WDR86: variants seen among roughly 807,000 people sequenced by gnomAD.
WDR86 encodes the protein WD repeat-containing protein 86.
A neutral mutation model predicts 36.5 loss-of-function variants in WDR86; 30 were observed. The observed-to-expected ratio is 0.82, with a 90% CI of 0.61 to 1.11. The LOEUF (loss-of-function observed/expected upper bound fraction) is 1.11. WDR86 is among the 50% of genes most tolerant of loss of function. The pLI, the probability that WDR86 is intolerant of heterozygous loss-of-function variation, is 0.00. For missense variants in WDR86, 545 were observed against 561.2 expected (o/e 0.97, Z 0.29); for synonymous variants, 255 against 252.9 (o/e 1.01, Z -0.08).
chr7:151,393,515 C>T (rs1799589564), intron 3 of WDR86, among the ~76,000 whole-genome samples: 1 of 152,180 alleles, frequency 6.6e-6, no homozygotes, highest in Admixed American at 6.5e-5. Context: ...CCCCCTCCGT[C>T]CAGCACCAGC....
rs538512843 is a variant in WDR86 at position 151,395,973 on chromosome 7, C to A, written c.529G>T (p.Val177Leu). Residue 177 changes from valine to leucine, a missense_variant, in exon 3 of 6, where the codon GTG (valine) becomes TTG (leucine). Transcript: ENST00000334493. ...VTGSTDGTAKVWQVASGCCHQ... is the reference protein window; with the variant it reads ...VTGSTDGTAKLWQVASGCCHQ... ...CAGCAGCCGCTGGCCACCTGCCACA[C>A]CTTGGCTGTGCCATCTGTGCTGCCG... The A allele has an allele frequency of 7.7e-5, 123 of 1,596,790 alleles. No individual in the cohort carries two copies. The East Asian group carries it at 2.6e-3, about 34-fold the overall frequency.
downstream of WDR86, among the ~76,000 whole-genome samples, chr7:151,379,919 C>T (rs1054032450): frequency 1.3e-5 from 2 of 152,174 alleles, no homozygotes; most frequent in Non-Finnish European, 2.9e-5. Context: ...CAGCACTGCC[C>T]GCAGGCAGCA....
the WDR86 span, among the ~76,000 whole-genome samples, chr7:151,369,814 C>T: frequency 6.6e-6 from 1 of 152,194 alleles, no homozygotes. Flanking sequence ...TATGTTACCT[C>T]GTTTCCCTTT....
chr7:151,376,660 C>T (rs370586827), downstream of WDR86: 460 of 1,611,390 alleles, frequency 2.9e-4, 1 homozygote, highest in South Asian at 2.4e-4. Flanking sequence ...TTGATGCACT[C>T]GTGGCCGAAG....
chr7:151,395,420 G>C (rs1799739176), intron 3 of WDR86, among the ~76,000 whole-genome samples: 1 of 152,032 alleles, frequency 6.6e-6, no homozygotes. Context: ...CTTTAAAAGA[G>C]GCAGTTGAGT....
At chr7:151,373,300 A>G (rs1429056652), downstream of WDR86, among the ~76,000 whole-genome samples, 4 of 152,168 alleles carry the variant, frequency 2.6e-5, no homozygotes, top group Non-Finnish European at 5.9e-5. Flanking sequence ...TGGTTTTCAA[A>G]CTTGCTTTGT....
At chr7:151,397,411 G>T (rs528971335) in intron 2 of WDR86, among the ~76,000 whole-genome samples, 1 of 152,334 alleles carries the variant, frequency 6.6e-6, no homozygotes, top group Non-Finnish European at 1.5e-5. Flanking sequence ...TAGGATGATT[G>T]TCACAAAACA....
downstream of WDR86, among the ~76,000 whole-genome samples, chr7:151,374,777 C>A (rs1328099648): frequency 6.6e-6 from 1 of 152,130 alleles, no homozygotes; most frequent in African/African-American, 2.4e-5. Context: ...ATATCGAATC[C>A]TCAGTAGGGC....
At chr7:151,376,070 T>C in exon 2 of WDR86, 1 of 701,700 alleles carries the variant, frequency 1.4e-6, no homozygotes, top group South Asian at 1.5e-5. Context: ...AGGCTCCAGG[T>C]GTAACCTGCC....
upstream of WDR86, chr7:151,410,100 G>GCCCCAGC (rs1050271151): frequency 2.0e-6 from 2 of 984,004 alleles, no homozygotes; most frequent in African/African-American, 3.5e-5. Context: ...CTCGGGCTGC[G>GCCCCAGC]CCCCAGCCCC....
At chr7:151,376,549 G>T (rs983503519), downstream of WDR86, 1 of 1,303,482 alleles carries the variant, frequency 7.7e-7, no homozygotes, top group Non-Finnish European at 1.0e-6. Flanking sequence ...TTAAACATGA[G>T]AGTCGGCTGT....
Position 151,395,817 on chromosome 7 carries a change from G to T in WDR86, c.685C>A (p.Arg229=), listed in dbSNP as rs200864938. ...AWDILSGEQL[R]VFREHRGSVI... Reference sequence around the variant, plus strand: ...GAGCCCCGGTGCTCCCGGAACACCCGCAGCTGCTCCCCACTCAGGATGTCC... The same window carrying T: ...GAGCCCCGGTGCTCCCGGAACACCCTCAGCTGCTCCCCACTCAGGATGTCC... The change falls in exon 3 of 6, where the codon CGG becomes AGG. Residue 229 remains arginine, a synonymous_variant. Coordinates refer to ENST00000334493, the MANE Select transcript of WDR86 (RefSeq NM_198285.3). 3.5e-5 allele frequency: 55 copies of T among 1,573,896 alleles called. No individual in the cohort carries two copies. In the East Asian group the frequency reaches 1.3e-3, roughly 37 times the overall value.
In WDR86 at chr7:151,403,812, C is replaced by T. The variant is rs1461449082; in HGVS notation, c.164-3571G>A. Among the ~76,000 whole-genome samples, 5 of 152,326 alleles carry T rather than the reference C, an allele frequency of 3.3e-5. No individual in the cohort carries two copies. In the East Asian group the frequency reaches 9.6e-4, roughly 29 times the overall value. On this transcript the variant is annotated intron_variant, in intron 1 of 5. Transcript: ENST00000334493. ...CTGGGAACAGATCCGTCCCACCCTC[C>T]CTGCTGCCGCCAGGAGGGCTCAGCA... is the stretch of plus-strand genomic sequence containing the variant.
downstream of WDR86, chr7:151,374,299 A>G (rs893615995): frequency 3.9e-6 from 6 of 1,535,046 alleles, no homozygotes; most frequent in Non-Finnish European, 5.3e-6. Flanking sequence ...TCCTGCCCAG[A>G]GCTCCCTCCA....
At position 151,409,186 on chromosome 7, in the gene WDR86, C is replaced by T; in HGVS notation, c.163+241G>A. ...CCTTTGTAGCGGACGCCCCTCGACC[C>T]ACCCACCCGATCCCGGCCGCACCCT... On this transcript the variant is annotated intron_variant, in intron 1 of 5. Transcript: ENST00000334493. The surrounding 1 kb of genome is among the most constrained non-coding windows in gnomAD (Gnocchi z 5.2). 1.5e-6 allele frequency: 1 copy of T among 645,442 alleles called. No individual in the cohort carries two copies. The highest frequency in any genetic ancestry group is 2.8e-6 in the Non-Finnish European group (1 of 356,332). The allele number at this position is 645,442 out of a possible 1,614,324, so 40.0% of individuals were successfully genotyped here.
At position 151,385,070 on chromosome 7, in the gene WDR86, C is replaced by A; in HGVS notation, c.862+18G>T. 1 of 1,579,416 alleles carries A rather than the reference C, an allele frequency of 6.3e-7. No homozygotes were observed. Among genetic ancestry groups the A allele is most frequent in the South Asian group, 1.1e-5 (1 of 87,484 alleles). On this transcript the variant is annotated intron_variant, in intron 4 of 5. Transcript: ENST00000334493. ...CCAGGCTGGGGTGGCACAGGTCGTG[C>A]AGGGCCAAGTCACTTACAGGTGCCC...
Position 151,385,167 on chromosome 7 carries a change from C to G in WDR86, c.783G>C (p.Leu261=). 6.2e-7 allele frequency: 1 copy of G among 1,613,202 alleles called. No individual in the cohort carries two copies. The highest frequency in any genetic ancestry group is 1.3e-5 in the African/African-American group (1 of 75,066). Residue 261 remains leucine (L), a synonymous_variant, in exon 4 of 6, where the codon CTG becomes CTC. Transcript: ENST00000334493. ...GSADRTVKCW[L]ADTGECVRTF... ...TGCGCACACACTCCCCTGTGTCTGC[C>G]AGCCAGCACTTGACGGTCCTGTCCG... is the stretch of plus-strand genomic sequence containing the variant.
At chr7:151,373,605 T>A (rs1049021207), downstream of WDR86, among the ~76,000 whole-genome samples, 1 of 151,964 alleles carries the variant, frequency 6.6e-6, no homozygotes, top group African/African-American at 2.4e-5. Context: ...GGGGGGCGGG[T>A]CACCAGCTTT....
downstream of WDR86, chr7:151,374,526 C>G (rs1304818486): frequency 2.0e-6 from 1 of 505,608 alleles, no homozygotes; most frequent in Non-Finnish European, 3.6e-6. Context: ...TTTCTGTGTG[C>G]AGCAGAGTTT....
Sources: gnomAD v4.1 joint callset for allele counts (sites outside exome capture counted in the v4.1 genomes callset) on GRCh38, gnomAD v4.1.1 for gene constraint, Gnocchi (gnomAD v3.1) non-coding constraint, MANE v1.5 for transcripts, NCBI Gene and HGNC (gene_info 2026-07-23, HGNC 2026-07-21) for gene names.